Variants in DENND3 observed in about 807,000 individuals in gnomAD.
DENND3 encodes DENN domain containing 3.
In DENND3, 88 loss-of-function variants were observed where a neutral mutation model predicts 135.1. That is an observed-to-expected ratio of 0.65 (90% CI 0.55 to 0.78). The LOEUF is 0.78. Ranked by LOEUF, DENND3 falls within the 30% of genes least tolerant of loss-of-function variation. The probability of loss-of-function intolerance (pLI) is 0.00; values close to 1 mark genes in which losing one functional copy is unlikely to be tolerated. For missense variants in DENND3, 1,392 were observed against 1,688.4 expected, an observed-to-expected ratio of 0.82 and a Z score of 3.08; for synonymous variants, 693 against 712.3, an observed-to-expected ratio of 0.97 and a Z score of 0.43.
chr8:141,165,464 CTT>C (rs761618969), intron 11 of DENND3, among the ~76,000 whole-genome samples, 175 bp downstream of exon 11: 30 of 139,322 alleles, frequency 2.2e-4, no homozygotes, highest in Non-Finnish European at 1.7e-4. Context: ...TCTACTTCTT[CTT>C]TTTTTTTTTT....
At position 141,134,277 on chromosome 8, in the gene DENND3, ATATTTTT is replaced by A. The variant is rs570040506; in HGVS notation, c.103-2217_103-2211del. Among the ~76,000 whole-genome samples, 629 of 152,124 alleles carry A rather than the reference ATATTTTT, an allele frequency of 4.1e-3. 2 individuals are homozygous for A. The highest frequency in any genetic ancestry group is 0.017 in the Middle Eastern group (5 of 294). ...AGTTATAAAATAATATGGATTTCCCATATTTTTTATTTTTTATTTTTATTTTATTTTT... is the reference window on the plus strand; with the variant it reads ...AGTTATAAAATAATATGGATTTCCCATATTTTTTATTTTTATTTTATTTTT... On this transcript the variant is annotated intron_variant, in intron 1 of 22. Coordinates refer to ENST00000519811, the MANE Select transcript of DENND3 (RefSeq NM_001352890.3).
At chr8:141,185,654 C>T (rs1823796784) in intron 18 of DENND3, among the ~76,000 whole-genome samples, 2 of 151,690 alleles carry the variant, frequency 1.3e-5, no homozygotes, top group Admixed American at 1.3e-4. Context: ...AGTGAGACCC[C>T]ATCTCTACAA....
At chr8:141,171,237 G>A (rs1192333684) in intron 13 of DENND3, among the ~76,000 whole-genome samples, 1 of 152,228 alleles carries the variant, frequency 6.6e-6, no homozygotes, top group African/African-American at 2.4e-5. Context: ...AGAGCTCAAT[G>A]TCACCATCTT....
intron 20 of DENND3, among the ~76,000 whole-genome samples, chr8:141,191,068 A>G (rs1429160274): frequency 6.6e-6 from 1 of 152,256 alleles, no homozygotes; most frequent in East Asian, 1.9e-4. Flanking sequence ...CACATATAGT[A>G]AAGCTCACCA....
chr8:141,147,520 CACAA>C (rs1818306609), intron 5 of DENND3, among the ~76,000 whole-genome samples: 1 of 152,228 alleles, frequency 6.6e-6, no homozygotes, highest in Non-Finnish European at 1.5e-5. Flanking sequence ...ACGCTGTTTC[CACAA>C]ACACTGTTTC....
intron 3 of DENND3, among the ~76,000 whole-genome samples, chr8:141,140,073 G>A (rs1342053960): frequency 6.6e-6 from 1 of 151,962 alleles, no homozygotes; most frequent in Non-Finnish European, 1.5e-5. Flanking sequence ...CACCATGCCC[G>A]GCTAATTTTT....
rs761745649 is a variant in DENND3, at chr8:141,192,598, C to A, written c.3571C>A (p.Pro1191Thr). Reference sequence around the variant, plus strand: ...CTGGAGCCTGAAGGACCTGGCCCAGCCCCCGCAGAGGGTGCCCCTCGAGGA... The same window carrying A: ...CTGGAGCCTGAAGGACCTGGCCCAGACCCCGCAGAGGGTGCCCCTCGAGGA... ...YIWSLKDLAQPPQRVPLEDCS... is the reference protein window; with the variant it reads ...YIWSLKDLAQTPQRVPLEDCS... The change falls in exon 22 of 23, where the codon CCC becomes ACC. Residue 1191 changes from proline to threonine, a missense_variant. By Grantham distance (38) the Pro-to-Thr change is conservative. Coordinates refer to ENST00000519811, the MANE Select transcript of DENND3 (RefSeq NM_001352890.3). 1 of 1,586,462 alleles carries A rather than the reference C, an allele frequency of 6.3e-7. No individual in the cohort carries two copies. The highest frequency in any genetic ancestry group is 8.6e-7 in the Non-Finnish European group (1 of 1,163,358).
chr8:141,150,820 A>G lies in DENND3; in HGVS notation c.736-14A>G. ...GCAGCTCTCTGAACTAATGACGGGAACTGGTTGTCGTAGGTATTTAACATG... is the reference window on the plus strand; with the variant it reads ...GCAGCTCTCTGAACTAATGACGGGAGCTGGTTGTCGTAGGTATTTAACATG... On this transcript the variant is annotated splice_polypyrimidine_tract_variant and intron_variant, in intron 5 of 22. Transcript: ENST00000519811. The G allele has an allele frequency of 6.3e-7, 1 of 1,584,736 alleles. No individual in the cohort carries two copies. Among genetic ancestry groups the G allele is most frequent in the African/African-American group, 1.4e-5 (1 of 73,812 alleles).
At chr8:141,170,788 T>C (rs1821446922) in intron 13 of DENND3, among the ~76,000 whole-genome samples, 1 of 152,230 alleles carries the variant, frequency 6.6e-6, no homozygotes, top group African/African-American at 2.4e-5. Flanking sequence ...AGGGCATGCA[T>C]GGAGGCTCCT....
chr8:141,166,365 G>A lies in DENND3; in HGVS notation c.1729G>A (p.Ala577Thr), dbSNP rs1463130072. The change falls in exon 12 of 23, where the codon GCA becomes ACA. Residue 577 changes from alanine (A) to threonine (T), a missense_variant. By Grantham distance (58) the Ala-to-Thr change is moderately conservative. Transcript: ENST00000519811. The surrounding 1 kb of genome is among the most constrained non-coding windows in gnomAD (Gnocchi z 4.3). ...CTCCTCGCTCCGGCTGACGGACACC[G>A]CAGGCTGTAGGGGCAGCAGCGCAGG... ...RNSSLRLTDT[A>T]GCRGSSAVLN... 1.2e-6 allele frequency: 2 copies of A among 1,612,536 alleles called. No individual in the cohort carries two copies. The highest frequency in any genetic ancestry group is 1.3e-5 in the African/African-American group (1 of 75,036).
At chr8:141,161,846 C>A (rs561454493) in intron 9 of DENND3, among the ~76,000 whole-genome samples, 1 of 148,882 alleles carries the variant, frequency 6.7e-6, no homozygotes, top group Non-Finnish European at 1.5e-5. Context: ...TGTCACCCAG[C>A]CTGGAATGCA....
At chr8:141,185,450 T>C in intron 18 of DENND3, 172 bp downstream of exon 18, 3 of 805,634 alleles carry the variant, frequency 3.7e-6, no homozygotes, top group Non-Finnish European at 5.6e-6. Flanking sequence ...AATGTAAGCT[T>C]GTTCCAAACT....
Position 141,136,789 on chromosome 8 carries a change from C to T in DENND3, c.383C>T (p.Pro128Leu), listed in dbSNP as rs995177417. Residue 128 changes from proline (P) to leucine (L), a missense_variant and splice_region_variant, in exon 2 of 23, where the codon CCA becomes CTA. Physicochemically the swap from Pro to Leu is moderately conservative, Grantham distance 98. Coordinates refer to ENST00000519811, the MANE Select transcript of DENND3 (RefSeq NM_001352890.3). ...DLLTLPQLCFPGGVCVATEPK... is the reference protein window; with the variant it reads ...DLLTLPQLCFLGGVCVATEPK... ...CTCACCCTGCCGCAGCTGTGCTTCC[C>T]AGGTATGTCTAGGAGGTGGGCACCA... The T allele has an allele frequency of 7.6e-6, 12 of 1,570,476 alleles. No individual in the cohort carries two copies. The highest frequency in any genetic ancestry group is 7.6e-5 in the Admixed American group (4 of 52,434).
At position 141,175,606 on chromosome 8, in the gene DENND3, C is replaced by A. The variant is rs995452091; in HGVS notation, c.2535+147C>A. ...GAATGCCTTCCTGTCCCTCAGTTTGCTCATCTGTAAAGTAGGAATAAGGCT... is the reference window on the plus strand; with the variant it reads ...GAATGCCTTCCTGTCCCTCAGTTTGATCATCTGTAAAGTAGGAATAAGGCT... On this transcript the variant is annotated intron_variant, in intron 14 of 22. Transcript: ENST00000519811. The surrounding 1 kb of genome is among the most constrained non-coding windows in gnomAD (Gnocchi z 5.4). The A allele has an allele frequency of 1.6e-6, 2 of 1,270,498 alleles. No individual in the cohort carries two copies. The highest frequency in any genetic ancestry group is 2.2e-6 in the Non-Finnish European group (2 of 895,966). The allele number at this position is 1,270,498 out of a possible 1,614,324, so 78.7% of individuals were successfully genotyped here. A position where few individuals can be genotyped will look rare whatever the true frequency, so the allele number is the denominator to read the frequency against.
Position 141,168,711 on chromosome 8 carries a change from C to G in DENND3, c.2275+186C>G, listed in dbSNP as rs988363442. Among the ~76,000 whole-genome samples, 1 of 152,000 alleles carries G rather than the reference C, an allele frequency of 6.6e-6. No homozygotes were observed. The highest frequency in any genetic ancestry group is 1.5e-5 in the Non-Finnish European group (1 of 67,984). On this transcript the variant is annotated intron_variant, in intron 13 of 22. Transcript: ENST00000519811. The surrounding 1 kb of genome is among the most constrained non-coding windows in gnomAD (Gnocchi z 6.2). ...GACTACAGGTACGCGACACCGTGCC[C>G]GGCTAATTTTAGTATTTTTTGTAGA... is the stretch of plus-strand genomic sequence containing the variant.
chr8:141,186,938 T>TC lies in DENND3; in HGVS notation c.3084+1664dup, dbSNP rs1370192921. On this transcript the variant is annotated intron_variant, in intron 18 of 22. Transcript: ENST00000519811. ...GTCGCCCGAGAGGCCGCTGAGTAGC[T>TC]CCCCGTGCTCTGAGACCCCACACTC... is the stretch of plus-strand genomic sequence containing the variant. 2.2e-4 allele frequency among the ~76,000 whole-genome samples: 34 copies of TC among 152,302 alleles called. 1 individual carries two copies. The highest frequency in any genetic ancestry group is 1.8e-3 in the Admixed American group (27 of 15,306).
At chr8:141,145,454 C>CTAAA (rs1394747035) in intron 5 of DENND3, among the ~76,000 whole-genome samples, 1 of 152,184 alleles carries the variant, frequency 6.6e-6, no homozygotes, top group African/African-American at 2.4e-5. Flanking sequence ...GGGGACCACT[C>CTAAA]TTTAGACTGT....
At chr8:141,180,117 T>C (rs1822899572) in intron 16 of DENND3, among the ~76,000 whole-genome samples, 1 of 152,180 alleles carries the variant, frequency 6.6e-6, no homozygotes, top group African/African-American at 2.4e-5. Flanking sequence ...AGCAGTGGTT[T>C]TGAACGGGGG....
chr8:141,157,717 T>G (rs1330273656), intron 8 of DENND3: 1 of 986,178 alleles, frequency 1.0e-6, no homozygotes, highest in East Asian at 1.1e-4. Context: ...GATTATTCCT[T>G]CTACCTGGAA....
Sources: allele counts gnomAD v4.1 joint callset (sites outside exome capture counted in the v4.1 genomes callset), GRCh38; gene constraint gnomAD v4.1.1; non-coding constraint Gnocchi (gnomAD v3.1); transcripts MANE v1.5; gene names NCBI Gene and HGNC (gene_info 2026-07-23, HGNC 2026-07-21).